RIN3: variants seen among roughly 807,000 people sequenced by gnomAD.
RIN3 encodes the protein Ras and Rab interactor 3.
RIN3 carries 54 observed loss-of-function variants against 76.3 expected under a neutral mutation model. The ratio of observed to expected loss-of-function variants is 0.71; its 90% CI spans 0.57 to 0.89. The LOEUF is 0.89. Ranked by LOEUF, RIN3 falls within the 40% of genes least tolerant of loss-of-function variation. The pLI, the probability that RIN3 is intolerant of heterozygous loss-of-function variation, is 0.00. For missense variants in RIN3, 1,256 were observed against 1,322.1 expected (o/e 0.95, Z 0.78); for synonymous variants, 576 against 564.0 (o/e 1.02, Z -0.30).
chr14:92,651,722 C>T lies in RIN3; in HGVS notation c.673C>T (p.Leu225=). Residue 225 remains leucine (L), a synonymous_variant, in exon 6 of 10, where the codon CTG becomes TTG. Coordinates refer to ENST00000216487, the MANE Select transcript of RIN3 (RefSeq NM_024832.5). ...CGCAAACTGTGCCTGTGAAATCGAGCTGTCGGTAGGAAATGACCGCCTGTG... is the reference window on the plus strand; with the variant it reads ...CGCAAACTGTGCCTGTGAAATCGAGTTGTCGGTAGGAAATGACCGCCTGTG... ...HDANCACEIE[L]SVGNDRLWFV... 2 of 1,614,140 alleles carry T rather than the reference C, an allele frequency of 1.2e-6. No homozygotes were observed. The highest frequency in any genetic ancestry group is 1.7e-6 in the Non-Finnish European group (2 of 1,180,022).
At chr14:92,632,784 G>A (rs942698339) in intron 4 of RIN3, among the ~76,000 whole-genome samples, 12 of 152,202 alleles carry the variant, frequency 7.9e-5, no homozygotes, top group African/African-American at 2.2e-4. Flanking sequence ...AAGGAAGGGC[G>A]GGAAGGGAAC....
intron 7 of RIN3, among the ~76,000 whole-genome samples, chr14:92,671,298 C>T (rs1048861536): frequency 6.8e-6 from 1 of 147,920 alleles, no homozygotes; most frequent in Non-Finnish European, 1.5e-5. Flanking sequence ...AAGTTGATAA[C>T]GGGAAGGTAG....
At chr14:92,582,143 T>C (rs1884567730) in intron 3 of RIN3, among the ~76,000 whole-genome samples, 2 of 152,194 alleles carry the variant, frequency 1.3e-5, no homozygotes, top group East Asian at 1.9e-4. Flanking sequence ...GGAGCCTGAC[T>C]AAAGTTTGGT....
intron 1 of RIN3, among the ~76,000 whole-genome samples, chr14:92,521,143 C>T (rs181138466): frequency 1.7e-4 from 25 of 151,448 alleles, no homozygotes; most frequent in African/African-American, 6.1e-4. Context: ...TCCACCCATC[C>T]ATCCATACAT....
In RIN3 at chr14:92,623,627, T is replaced by G. The variant is rs1263074168; in HGVS notation, c.440+8148T>G. 5.3e-5 allele frequency among the ~76,000 whole-genome samples: 8 copies of G among 152,144 alleles called. No homozygotes were observed. The highest frequency in any genetic ancestry group is 5.2e-4 in the Admixed American group (8 of 15,266). On this transcript the variant is annotated intron_variant, in intron 4 of 9. Coordinates refer to ENST00000216487, the MANE Select transcript of RIN3 (RefSeq NM_024832.5). The surrounding 1 kb of genome is among the most constrained non-coding windows in gnomAD (Gnocchi z 4.9). Reference sequence around the variant, plus strand: ...GCGTTGTGGTTTCTTTTTTTCTGGTTGTTGAAATGCCAGGGTGAAAGGGAT... The same window carrying G: ...GCGTTGTGGTTTCTTTTTTTCTGGTGGTTGAAATGCCAGGGTGAAAGGGAT...
At chr14:92,520,379 A>T (rs1422286325) in intron 1 of RIN3, among the ~76,000 whole-genome samples, 2 of 152,090 alleles carry the variant, frequency 1.3e-5, no homozygotes, top group East Asian at 3.9e-4. Flanking sequence ...GGGGGGTGGG[A>T]GTGGGGCCTT....
At chr14:92,528,683 T>C (rs1012724214) in intron 1 of RIN3, among the ~76,000 whole-genome samples, 2 of 152,180 alleles carry the variant, frequency 1.3e-5, no homozygotes, top group Non-Finnish European at 2.9e-5. Flanking sequence ...GCTTCTTCCA[T>C]TCATGCAGTG....
chr14:92,616,321 C>T (rs970459862), intron 4 of RIN3, among the ~76,000 whole-genome samples: 4 of 152,164 alleles, frequency 2.6e-5, no homozygotes, highest in South Asian at 2.1e-4. Flanking sequence ...TCAAGGGCAC[C>T]GTTACAGAAT....
chr14:92,666,211 C>T (rs1177992239), intron 7 of RIN3, among the ~76,000 whole-genome samples: 1 of 152,184 alleles, frequency 6.6e-6, no homozygotes, highest in Non-Finnish European at 1.5e-5. Context: ...ATGCAGGCAA[C>T]AGTAGCTTGA....
Position 92,656,818 on chromosome 14 carries a change from A to G in RIN3, c.2027-2343A>G, listed in dbSNP as rs117814502. Among the ~76,000 whole-genome samples the G allele has an allele frequency of 3.0e-3, 460 of 152,264 alleles. 12 individuals are homozygous for G. In the South Asian group the frequency reaches 0.046, roughly 15 times the overall value. On this transcript the variant is annotated intron_variant, in intron 6 of 9. Transcript: ENST00000216487. This position sits in a 1 kb window ranked among gnomAD's most constrained non-coding sequence, Gnocchi z 5.2. ...CCACAGCAATGGTGCCATTCCAGAC[A>G]CTGCATGTGTCAGCCTCATGACTAC...
chr14:92,601,321 G>C (rs1054566722), intron 3 of RIN3, among the ~76,000 whole-genome samples: 3 of 152,086 alleles, frequency 2.0e-5, no homozygotes, highest in Admixed American at 2.0e-4. Context: ...GTGAGGGCAC[G>C]GACTGCAGTG....
intron 9 of RIN3, chr14:92,687,674 T>C: frequency 2.0e-6 from 1 of 501,766 alleles, no homozygotes; most frequent in Non-Finnish European, 3.5e-6. Context: ...ACGCGCCGGC[T>C]CCTCTTTGCA....
intron 3 of RIN3, among the ~76,000 whole-genome samples, chr14:92,582,396 T>C (rs1369550356): frequency 6.6e-6 from 1 of 151,990 alleles, no homozygotes; most frequent in Non-Finnish European, 1.5e-5. Flanking sequence ...TACACAGGTG[T>C]CATCCGTAAG....
intron 4 of RIN3, among the ~76,000 whole-genome samples, chr14:92,632,765 G>C (rs982052894): frequency 2.0e-5 from 3 of 152,152 alleles, no homozygotes; most frequent in African/African-American, 7.2e-5. Flanking sequence ...GTGATGTTGC[G>C]AGCCAGGCAA....
chr14:92,645,899 C>T (rs1887181039), intron 5 of RIN3, among the ~76,000 whole-genome samples: 1 of 151,574 alleles, frequency 6.6e-6, no homozygotes, highest in African/African-American at 2.4e-5. Flanking sequence ...TTGCAGTGAG[C>T]CAAGATCGTG....
At chr14:92,515,439 T>G in intron 1 of RIN3, 2 of 544,228 alleles carry the variant, frequency 3.7e-6, no homozygotes, top group Non-Finnish European at 6.5e-6. Flanking sequence ...TCTTTTTTTG[T>G]TCATTACTGG....
chr14:92,582,442 CTTTTT>C (rs35072092), intron 3 of RIN3, among the ~76,000 whole-genome samples: 1 of 117,566 alleles, frequency 8.5e-6, no homozygotes, highest in East Asian at 2.5e-4. Context: ...TCCTTTTTTA[CTTTTT>C]TTTTTTTTTT....
intron 1 of RIN3, among the ~76,000 whole-genome samples, chr14:92,529,775 G>A (rs956530353): frequency 6.6e-6 from 1 of 152,144 alleles, no homozygotes; most frequent in East Asian, 1.9e-4. Flanking sequence ...CGTAGTGTTC[G>A]AGGGCTGCCT....
intron 1 of RIN3, among the ~76,000 whole-genome samples, chr14:92,524,257 C>T (rs1952328): frequency 0.42 from 63,161 of 152,038 alleles, 15,383 homozygotes; most frequent in Middle Eastern, 0.63. Context: ...TGTGTTCTTG[C>T]CGGATGCTGC....
Sources: gnomAD v4.1 joint callset for allele counts (sites outside exome capture counted in the v4.1 genomes callset) on GRCh38, gnomAD v4.1.1 for gene constraint, Gnocchi (gnomAD v3.1) non-coding constraint, MANE v1.5 for transcripts, NCBI Gene and HGNC (gene_info 2026-07-23, HGNC 2026-07-21) for gene names.